The following CTNNA2 variants were observed in gnomAD, a reference collection of about 807,000 sequenced individuals.
The protein encoded by CTNNA2 is catenin alpha 2, also known as catenin alpha-2.
A neutral mutation model predicts 101.0 loss-of-function variants in CTNNA2; 42 were observed. That is an observed-to-expected ratio of 0.42 (90% confidence interval 0.32 to 0.54). CTNNA2 has a LOEUF of 0.54. CTNNA2 is among the 20% of genes least tolerant of loss of function. The pLI is 0.14. For synonymous variants in CTNNA2, 450 were observed against 456.4 expected, an observed-to-expected ratio of 0.99 and a Z score of 0.18; for missense variants, 871 against 1,223.1, an observed-to-expected ratio of 0.71 and a Z score of 4.29.
chr2:79,842,704 G>GTT (rs144884768), intron 3 of CTNNA2, among the ~76,000 whole-genome samples: 2 of 148,354 alleles, frequency 1.3e-5, no homozygotes, highest in Admixed American at 6.7e-5. Flanking sequence ...TTTTGGGTGT[G>GTT]TGTTTTTTTT....
chr2:80,505,402 A>G (rs1194937260), intron 9 of CTNNA2, among the ~76,000 whole-genome samples: 1 of 152,234 alleles, frequency 6.6e-6, no homozygotes, highest in Non-Finnish European at 1.5e-5. Flanking sequence ...GATCTTATCT[A>G]ATTTTAAAAT....
At chr2:80,449,348 G>T (rs1287797793) in intron 9 of CTNNA2, among the ~76,000 whole-genome samples, 1 of 151,772 alleles carries the variant, frequency 6.6e-6, no homozygotes, top group Non-Finnish European at 1.5e-5. Flanking sequence ...TACACTTCTT[G>T]GTCTATTTTG....
intron 3 of CTNNA2, among the ~76,000 whole-genome samples, chr2:79,330,740 C>T (rs1676853077): frequency 6.6e-6 from 1 of 152,204 alleles, no homozygotes; most frequent in Non-Finnish European, 1.5e-5. Context: ...TTCCCCTGCA[C>T]ATGTTCTCTT....
intron 7 of CTNNA2, among the ~76,000 whole-genome samples, chr2:79,944,927 A>G (rs776082667): frequency 1.5e-4 from 23 of 152,208 alleles, no homozygotes; most frequent in Non-Finnish European, 3.2e-4. Context: ...ATGTATCAAC[A>G]TTTGTTTGCA....
chr2:80,449,149 G>A (rs1387519495), intron 9 of CTNNA2, among the ~76,000 whole-genome samples: 1 of 151,996 alleles, frequency 6.6e-6, no homozygotes, highest in Non-Finnish European at 1.5e-5. Context: ...CAGTGGTTTA[G>A]GCCTGTAATC....
At chr2:79,221,097 A>G (rs1674339207) in intron 2 of CTNNA2, among the ~76,000 whole-genome samples, 1 of 152,118 alleles carries the variant, frequency 6.6e-6, no homozygotes, top group African/African-American at 2.4e-5. Flanking sequence ...AACAAATTCA[A>G]TAATTTTATT....
intron 15 of CTNNA2, chr2:80,602,184 A>C (rs575544560): frequency 6.6e-6 from 1 of 152,200 alleles, no homozygotes; most frequent in East Asian, 1.9e-4. Context: ...TGAATTCTAA[A>C]GTCTCAAACT....
At chr2:79,456,937 C>T (rs918847069) in intron 4 of CTNNA2, among the ~76,000 whole-genome samples, 1 of 152,128 alleles carries the variant, frequency 6.6e-6, no homozygotes, top group Non-Finnish European at 1.5e-5. Context: ...CATGGTGGCT[C>T]ACGCCTGTAA....
At chr2:79,601,417 T>A (rs905926506) in intron 1 of CTNNA2, among the ~76,000 whole-genome samples, 7 of 152,200 alleles carry the variant, frequency 4.6e-5, no homozygotes, top group Non-Finnish European at 7.3e-5. Flanking sequence ...TTGTCCTGAT[T>A]CGAGCCAGGG....
chr2:79,267,371 C>A (rs1674999995), intron 2 of CTNNA2, among the ~76,000 whole-genome samples: 1 of 144,332 alleles, frequency 6.9e-6, no homozygotes, highest in East Asian at 1.9e-4. Flanking sequence ...ATAGATGGTA[C>A]CTTTGCACCA....
chr2:79,891,353 G>T (rs1368326870), intron 6 of CTNNA2, among the ~76,000 whole-genome samples: 2 of 152,026 alleles, frequency 1.3e-5, no homozygotes, highest in Admixed American at 1.3e-4. Flanking sequence ...TAGAATTTTT[G>T]CTCTAATTAA....
At chr2:79,220,112 C>T (rs547340565) in intron 2 of CTNNA2, among the ~76,000 whole-genome samples, 3 of 151,984 alleles carry the variant, frequency 2.0e-5, no homozygotes, top group South Asian at 4.2e-4. Context: ...TCTTAATCAG[C>T]GCTTCCCCCA....
intron 4 of CTNNA2, among the ~76,000 whole-genome samples, chr2:79,416,313 A>G (rs934635060): frequency 5.5e-5 from 8 of 145,452 alleles, no homozygotes; most frequent in African/African-American, 1.8e-4. Flanking sequence ...CCAAGTTGAG[A>G]ACAACTACTT....
chr2:80,135,821 G>A (rs971399010), intron 7 of CTNNA2, among the ~76,000 whole-genome samples: 1 of 152,170 alleles, frequency 6.6e-6, no homozygotes, highest in African/African-American at 2.4e-5. Context: ...GAGGTCAAAT[G>A]CTGTGGATAC....
intron 7 of CTNNA2, among the ~76,000 whole-genome samples, chr2:79,986,962 A>G (rs1691809206): frequency 6.6e-6 from 1 of 152,316 alleles, no homozygotes; most frequent in South Asian, 2.1e-4. Context: ...AAGGAAACAC[A>G]AAGTTGGATC....
At chr2:80,159,039 T>C (rs1704150164) in intron 7 of CTNNA2, among the ~76,000 whole-genome samples, 1 of 152,210 alleles carries the variant, frequency 6.6e-6, no homozygotes, top group Non-Finnish European at 1.5e-5. Flanking sequence ...CATTCACCCA[T>C]TGAAGGACAT....
intron 7 of CTNNA2, among the ~76,000 whole-genome samples, chr2:80,038,415 G>C (rs1462422917): frequency 6.6e-6 from 1 of 152,192 alleles, no homozygotes; most frequent in Admixed American, 6.5e-5. Context: ...CTCTCTAGCT[G>C]ATCAAAAGTA....
At chr2:80,630,899 G>T (rs1672219328) in intron 18 of CTNNA2, among the ~76,000 whole-genome samples, 1 of 152,152 alleles carries the variant, frequency 6.6e-6, no homozygotes, top group African/African-American at 2.4e-5. Flanking sequence ...GTAGGTAGAA[G>T]CTGAAGAAGT....
intron 4 of CTNNA2, among the ~76,000 whole-genome samples, chr2:79,415,113 C>T (rs1678463552): frequency 6.6e-6 from 1 of 152,094 alleles, no homozygotes; most frequent in Admixed American, 6.6e-5. Flanking sequence ...GGAAATGGGG[C>T]CTAATGGGAG....
Sources: gnomAD v4.1 joint callset for allele counts (sites outside exome capture counted in the v4.1 genomes callset) on GRCh38, gnomAD v4.1.1 for gene constraint, MANE v1.5 for transcripts, NCBI Gene and HGNC (gene_info 2026-07-23, HGNC 2026-07-21) for gene names.